Variants in SMARCA4 observed in about 807,000 individuals in gnomAD.
SMARCA4 encodes SWI/SNF-related matrix-associated actin-dependent regulator of chromatin subfamily A member 4.
SMARCA4 carries 31 observed loss-of-function variants against 193.9 expected under a neutral mutation model. The observed-to-expected ratio is 0.16, with a 90% CI of 0.12 to 0.22. The LOEUF is 0.22. Among genes scored for constraint, SMARCA4 ranks in the 10% least tolerant of loss-of-function variants. The pLI is 1.00. For missense variants in SMARCA4, 1,148 were observed against 2,296.0 expected, an observed-to-expected ratio of 0.50 and a Z score of 10.22; for synonymous variants, 942 against 933.1, an observed-to-expected ratio of 1.01 and a Z score of -0.17.
At chr19:11,051,672 G>A (rs1182417856) in intron 30 of SMARCA4, among the ~76,000 whole-genome samples, 2 of 151,930 alleles carry the variant, frequency 1.3e-5, no homozygotes, top group African/African-American at 2.4e-5. Context: ...TGTATTTTTA[G>A]TAGAGATGGG....
Position 11,038,431 on chromosome 19 carries a change from C to T in SMARCA4, c.4171-2876C>T, listed in dbSNP as rs371168327. Among the ~76,000 whole-genome samples the T allele has an allele frequency of 2.1e-3, 324 of 152,290 alleles. 1 individual carries two copies. Among genetic ancestry groups the T allele is most frequent in the Non-Finnish European group, 3.9e-3 (263 of 68,002 alleles). ...GCTCCGCCCTGGGTCTGCAGGGGGC[C>T]TTCTCCTGGTGCCTCCTGCCTGCTG... On this transcript the variant is annotated intron_variant, in intron 29 of 34. Coordinates refer to ENST00000344626, the MANE Select transcript of SMARCA4 (RefSeq NM_003072.5).
At chr19:11,045,147 C>T (rs559196518) in intron 30 of SMARCA4, among the ~76,000 whole-genome samples, 4 of 152,138 alleles carry the variant, frequency 2.6e-5, no homozygotes, top group East Asian at 3.9e-4. Context: ...GGTGAAACAC[C>T]GTCTCTACTA....
Position 11,033,520 on chromosome 19 carries a change from G to A in SMARCA4, c.3774+3G>A, listed in dbSNP as rs1600390925. On this transcript the variant is annotated splice_donor_region_variant and intron_variant, in intron 26 of 34. Coordinates refer to ENST00000344626, the MANE Select transcript of SMARCA4 (RefSeq NM_003072.5). This position sits in a 1 kb window ranked among gnomAD's most constrained non-coding sequence, Gnocchi z 9.8. ...TGGAGCACGAGGAGCAGGATGAGGT[G>A]AGCCCAGCACCGGCCCCGACCCCTC... 1 of 1,611,008 alleles carries A rather than the reference G, an allele frequency of 6.2e-7. No individual in the cohort carries two copies. The highest frequency in any genetic ancestry group is 8.5e-7 in the Non-Finnish European group (1 of 1,178,066).
intron 30 of SMARCA4, among the ~76,000 whole-genome samples, chr19:11,050,224 G>A (rs541948973): frequency 6.6e-6 from 1 of 152,376 alleles, no homozygotes; most frequent in East Asian, 1.9e-4. Context: ...CGGGCAGCTC[G>A]GAAAGACGGT....
intron 30 of SMARCA4, among the ~76,000 whole-genome samples, chr19:11,056,764 C>G (rs73502604): frequency 0.11 from 16,139 of 152,182 alleles, 1,309 homozygotes; most frequent in African/African-American, 0.22. Flanking sequence ...CACACAAACA[C>G]CAAACAAGCA....
chr19:10,966,356 C>T (rs2084219961), intron 1 of SMARCA4, among the ~76,000 whole-genome samples: 1 of 151,654 alleles, frequency 6.6e-6, no homozygotes, highest in Non-Finnish European at 1.5e-5. Flanking sequence ...TTTGGGAGGC[C>T]CAGCAGGGCA....
intron 30 of SMARCA4, among the ~76,000 whole-genome samples, chr19:11,049,485 GTTTT>G (rs56043428): frequency 7.0e-6 from 1 of 142,880 alleles, no homozygotes; most frequent in African/African-American, 2.6e-5. Context: ...TGGGTTCTGT[GTTTT>G]TTTTTTTTTT....
At chr19:10,979,616 C>T (rs1349010461) in intron 1 of SMARCA4, among the ~76,000 whole-genome samples, 1 of 151,474 alleles carries the variant, frequency 6.6e-6, no homozygotes, top group Non-Finnish European at 1.5e-5. Flanking sequence ...ATCCTTCTGC[C>T]TTGGCCTCCC....
chr19:11,045,054 C>T (rs2075821853), intron 30 of SMARCA4, among the ~76,000 whole-genome samples: 1 of 152,256 alleles, frequency 6.6e-6, no homozygotes, highest in Non-Finnish European at 1.5e-5. Context: ...GGCACGGTGG[C>T]TCACGCCTGT....
At chr19:10,995,755 T>G (rs1452725020) in intron 9 of SMARCA4, among the ~76,000 whole-genome samples, 1 of 152,024 alleles carries the variant, frequency 6.6e-6, no homozygotes, top group Non-Finnish European at 1.5e-5. Flanking sequence ...GGTGGGACCT[T>G]TCAGACCATT....
At chr19:10,998,661 C>T (rs2087318632) in intron 11 of SMARCA4, among the ~76,000 whole-genome samples, 2 of 152,072 alleles carry the variant, frequency 1.3e-5, no homozygotes, top group Admixed American at 6.6e-5. Flanking sequence ...GTCTGCCAAC[C>T]CCTGGTGTAG....
chr19:10,995,482 T>C, intron 9 of SMARCA4: 1 of 456,158 alleles, frequency 2.2e-6, no homozygotes, highest in Non-Finnish European at 4.4e-6. Context: ...GCAAACAGAG[T>C]AGTGGATGGT....
Position 11,034,051 on chromosome 19 carries a change from G to A in SMARCA4, c.3874-72G>A, listed in dbSNP as rs1392024828. ...CCAGCTCATTCCCACGGACGCCGCC[G>A]CTCGCCTCTGAGCTCGGCCGCCGCC... On this transcript the variant is annotated intron_variant, in intron 27 of 34. Coordinates refer to ENST00000344626, the MANE Select transcript of SMARCA4 (RefSeq NM_003072.5). This position sits in a 1 kb window ranked among gnomAD's most constrained non-coding sequence, Gnocchi z 7.0. The A allele has an allele frequency of 1.0e-5, 12 of 1,196,378 alleles. No individual in the cohort carries two copies. The highest frequency in any genetic ancestry group is 1.7e-5 in the Admixed American group (1 of 59,484). 74.1% of individuals were successfully genotyped at this position (1,196,378 alleles called of 1,614,324 possible). A position where few individuals can be genotyped will look rare whatever the true frequency, so the allele number is the denominator to read the frequency against.
chr19:11,058,732 TGCGGGCAG>T lies in SMARCA4; in HGVS notation c.4534-52_4534-45del. 1 of 1,466,000 alleles carries T rather than the reference TGCGGGCAG, an allele frequency of 6.8e-7. No individual in the cohort carries two copies. The highest frequency in any genetic ancestry group is 1.4e-5 in the African/African-American group (1 of 71,988). The allele number at this position is 1,466,000 out of a possible 1,614,324, so 90.8% of individuals were successfully genotyped here. On this transcript the variant is annotated intron_variant, in intron 31 of 34. Coordinates refer to ENST00000344626, the MANE Select transcript of SMARCA4 (RefSeq NM_003072.5). This position sits in a 1 kb window ranked among gnomAD's most constrained non-coding sequence, Gnocchi z 5.8. ...GGGGTCTCCAGCACACAGCCAGGCC[TGCGGGCAG>T]GCGAGGCGGGGTCCTGAGGTAAGAC... is the stretch of plus-strand genomic sequence containing the variant.
At chr19:11,061,127 G>T (rs958714432) in intron 34 of SMARCA4, among the ~76,000 whole-genome samples, 66 of 148,908 alleles carry the variant, frequency 4.4e-4, no homozygotes, top group Middle Eastern at 3.5e-3. Context: ...GGTCGAGGCT[G>T]CAGTGAGCCG....
At chr19:11,046,840 C>T (rs1176849419) in intron 30 of SMARCA4, among the ~76,000 whole-genome samples, 1 of 151,004 alleles carries the variant, frequency 6.6e-6, no homozygotes, top group African/African-American at 2.4e-5. Flanking sequence ...CCTGTTGACT[C>T]AGCTATTCAG....
chr19:11,025,240 G>T (rs1568493208), intron 21 of SMARCA4, among the ~76,000 whole-genome samples, 182 bp from the exon 22 acceptor site: 1 of 152,092 alleles, frequency 6.6e-6, no homozygotes, highest in Non-Finnish European at 1.5e-5. Flanking sequence ...GTTTCCCAGG[G>T]CTTGTTGGGG....
In SMARCA4 at chr19:10,984,764, C is replaced by T. The variant is rs1042329979; in HGVS notation, c.222+391C>T. Among the ~76,000 whole-genome samples the T allele has an allele frequency of 1.3e-5, 2 of 152,254 alleles. No individual in the cohort carries two copies. The highest frequency in any genetic ancestry group is 3.2e-3 in the Middle Eastern group (1 of 316). ...GGCTCACCTGTGCAGCTCGCAGAGC[C>T]GAGCAGCGGGTTCCCTTTCCTCCAA... On this transcript the variant is annotated intron_variant, in intron 2 of 34. Transcript: ENST00000344626. This position sits in a 1 kb window ranked among gnomAD's most constrained non-coding sequence, Gnocchi z 4.3.
intron 30 of SMARCA4, among the ~76,000 whole-genome samples, chr19:11,045,284 C>T (rs990169230): frequency 3.3e-5 from 5 of 152,024 alleles, no homozygotes; most frequent in Non-Finnish European, 7.4e-5. Context: ...CGCGCCACGG[C>T]ACTCCAGCCT....
Sources: allele counts gnomAD v4.1 joint callset (sites outside exome capture counted in the v4.1 genomes callset), GRCh38; gene constraint gnomAD v4.1.1; non-coding constraint Gnocchi (gnomAD v3.1); transcripts MANE v1.5; gene names NCBI Gene and HGNC (gene_info 2026-07-23, HGNC 2026-07-21).